LLPH: variants seen among roughly 807,000 people sequenced by gnomAD.
LLPH encodes LLP homolog, long-term synaptic facilitation factor, also known as protein LLP homolog.
A neutral mutation model predicts 13.3 loss-of-function variants in LLPH; 5 were observed. The ratio of observed to expected loss-of-function variants is 0.38; its 90% confidence interval spans 0.20 to 0.79. The LOEUF is 0.79. Ranked by LOEUF, LLPH falls within the 30% of genes least tolerant of loss-of-function variation. The pLI is 0.45. For synonymous variants in LLPH, 32 were observed against 44.2 expected (o/e 0.72, Z 1.09); for missense variants, 129 against 152.1 (o/e 0.85, Z 0.80).
At chr12:66,128,872 A>T in intron 2 of LLPH, 24 bp downstream of exon 2, 1 of 1,527,734 alleles carries the variant, frequency 6.5e-7, no homozygotes, top group Non-Finnish European at 8.9e-7. Context: ...AAAAAAGAGA[A>T]AGAAAAAGGA....
At chr12:66,125,944 C>G (rs1042918946) in intron 2 of LLPH, among the ~76,000 whole-genome samples, 31 of 151,982 alleles carry the variant, frequency 2.0e-4, no homozygotes, top group African/African-American at 7.5e-4. Flanking sequence ...TAATTAATAC[C>G]CTTAGGAGAA....
intron 1 of LLPH, among the ~76,000 whole-genome samples, chr12:66,129,676 C>G (rs1209672733): frequency 6.6e-6 from 1 of 152,170 alleles, no homozygotes; most frequent in East Asian, 1.9e-4. Context: ...TGAGCCACCG[C>G]GCCCGGCTGA....
rs142232245 is a variant in LLPH, at chr12:66,119,840, C to A, written c.*4000G>T. The A allele has an allele frequency of 6.6e-6, 1 of 152,326 alleles. No homozygotes were observed. Among genetic ancestry groups the A allele is most frequent in the East Asian group, 1.9e-4 (1 of 5,190 alleles). The allele number at this position is 152,326 out of a possible 1,614,324, so 9.4% of individuals were successfully genotyped here. A position where few individuals can be genotyped will look rare whatever the true frequency, so the allele number is the denominator to read the frequency against. On this transcript the variant is annotated 3_prime_UTR_variant, in exon 3 of 3. Transcript: ENST00000266604. ...ATTCAAGTCATTTATAGCTATTTTT[C>A]TTCTCCAACTCTTAAGCCATATTCC... is the stretch of plus-strand genomic sequence containing the variant.
rs1034201910 is a variant in LLPH at position 66,117,572 on chromosome 12, C to T, written c.*6268G>A. 12 of 152,176 alleles carry T rather than the reference C, an allele frequency of 7.9e-5. No individual in the cohort carries two copies. The highest frequency in any genetic ancestry group is 1.5e-4 in the Non-Finnish European group (10 of 68,028). The allele number at this position is 152,176 out of a possible 1,614,324, so 9.4% of individuals were successfully genotyped here. A position where few individuals can be genotyped will look rare whatever the true frequency, so the allele number is the denominator to read the frequency against. On this transcript the variant is annotated 3_prime_UTR_variant, in exon 3 of 3. Transcript: ENST00000266604. Reference sequence around the variant, plus strand: ...TCATAATACTTGATAATAATGACTACGGTTTATGGCTTTACTATACTTTTT... The same window carrying T: ...TCATAATACTTGATAATAATGACTATGGTTTATGGCTTTACTATACTTTTT...
intron 2 of LLPH, among the ~76,000 whole-genome samples, 153 bp from the exon 3 acceptor site, chr12:66,124,171 T>C (rs1287303109): frequency 1.3e-5 from 2 of 152,254 alleles, no homozygotes; most frequent in Non-Finnish European, 2.9e-5. Context: ...TTGGCATGAC[T>C]GTCCTTCCTT....
Position 66,117,050 on chromosome 12 carries a change from A to T in LLPH, c.*6790T>A, listed in dbSNP as rs953298004. 3.3e-5 allele frequency: 5 copies of T among 152,262 alleles called. No homozygotes were observed. The highest frequency in any genetic ancestry group is 1.2e-4 in the African/African-American group (5 of 41,474). The allele number at this position is 152,262 out of a possible 1,614,324, so 9.4% of individuals were successfully genotyped here. A position where few individuals can be genotyped will look rare whatever the true frequency, so the allele number is the denominator to read the frequency against. ...CTATGTAGAGCAAAACAAGCATGAT[A>T]CATTTCAAACATGACAATTTATTAC... On this transcript the variant is annotated 3_prime_UTR_variant, in exon 3 of 3. Transcript: ENST00000266604.
rs953321636 is a variant in LLPH at position 66,116,711 on chromosome 12, A to G, written c.*7129T>C. Reference sequence around the variant, plus strand: ...TGTGAGAGTAAGAAAGTGTTTCATAAGATAGCATAATGCCAAGACAATTCA... The same window carrying G: ...TGTGAGAGTAAGAAAGTGTTTCATAGGATAGCATAATGCCAAGACAATTCA... On this transcript the variant is annotated 3_prime_UTR_variant, in exon 3 of 3. Coordinates refer to ENST00000266604, the MANE Select transcript of LLPH (RefSeq NM_032338.4). 2 of 152,264 alleles carry G rather than the reference A, an allele frequency of 1.3e-5. No homozygotes were observed. The highest frequency in any genetic ancestry group is 4.8e-5 in the African/African-American group (2 of 41,474). The allele number at this position is 152,264 out of a possible 1,614,324, so 9.4% of individuals were successfully genotyped here.
chr12:66,128,970 T>C lies in LLPH; in HGVS notation c.137A>G (p.Glu46Gly). The C allele has an allele frequency of 1.2e-6, 2 of 1,613,448 alleles. No homozygotes were observed. Among genetic ancestry groups the C allele is most frequent in the South Asian group, 1.1e-5 (1 of 91,046 alleles). The change falls in exon 2 of 3, where the codon GAG becomes GGG. Residue 46 changes from glutamate to glycine, a missense_variant. By Grantham distance (98) the Glu-to-Gly change is moderately conservative (BLOSUM62 -2). Coordinates refer to ENST00000266604, the MANE Select transcript of LLPH (RefSeq NM_032338.4). ...DGDVLMKDVQ[E>G]IATVVVPKPK... Reference sequence around the variant, plus strand: ...TTTGGGTACCACCACAGTTGCTATCTCTTGAACATCTTTCATTAAAACATC... The same window carrying C: ...TTTGGGTACCACCACAGTTGCTATCCCTTGAACATCTTTCATTAAAACATC...
Position 66,121,958 on chromosome 12 carries a change from T to A in LLPH, c.*1882A>T, listed in dbSNP as rs1382325667. 6.6e-6 allele frequency: 1 copy of A among 151,934 alleles called. No homozygotes were observed. Among genetic ancestry groups the A allele is most frequent in the Non-Finnish European group, 1.5e-5 (1 of 67,996 alleles). The allele number at this position is 151,934 out of a possible 1,614,324, so 9.4% of individuals were successfully genotyped here. ...TGATATTGTCAGTGGCTTAACTGGT[T>A]GTTTGCAATTTTTTTTATTTTATGA... On this transcript the variant is annotated 3_prime_UTR_variant, in exon 3 of 3. Coordinates refer to ENST00000266604, the MANE Select transcript of LLPH (RefSeq NM_032338.4).
chr12:66,128,534 A>G (rs1374883866), intron 2 of LLPH, among the ~76,000 whole-genome samples: 1 of 152,108 alleles, frequency 6.6e-6, no homozygotes, highest in Non-Finnish European at 1.5e-5. Context: ...TACCCTTCCA[A>G]CCAGAGTATG....
intron 2 of LLPH, 67 bp from the exon 3 acceptor site, chr12:66,124,085 A>G: frequency 9.6e-7 from 1 of 1,039,616 alleles, no homozygotes; most frequent in Non-Finnish European, 1.4e-6. Flanking sequence ...AAAGCATATT[A>G]ATGCACTGAG....
rs2051467031 is a variant in LLPH at position 66,122,061 on chromosome 12, G to A, written c.*1779C>T. 6.6e-6 allele frequency: 1 copy of A among 152,024 alleles called. No homozygotes were observed. Among genetic ancestry groups the A allele is most frequent in the Admixed American group, 6.6e-5 (1 of 15,262 alleles). The allele number at this position is 152,024 out of a possible 1,614,324, so 9.4% of individuals were successfully genotyped here. The stretch of plus-strand genomic sequence containing the variant: ...CTACACCAAAGGCAACAAAGATCAT[G>A]AATGACATCTTTCAATTCATATCTT... On this transcript the variant is annotated 3_prime_UTR_variant, in exon 3 of 3. Transcript: ENST00000266604.
chr12:66,122,254 T>A lies in LLPH; in HGVS notation c.*1586A>T, dbSNP rs1417710508. The A allele has an allele frequency of 6.6e-6, 1 of 152,250 alleles. No individual in the cohort carries two copies. Among genetic ancestry groups the A allele is most frequent in the Non-Finnish European group, 1.5e-5 (1 of 68,046 alleles). 9.4% of individuals were successfully genotyped at this position (152,250 alleles called of 1,614,324 possible). A position where few individuals can be genotyped will look rare whatever the true frequency, so the allele number is the denominator to read the frequency against. On this transcript the variant is annotated 3_prime_UTR_variant, in exon 3 of 3. Coordinates refer to ENST00000266604, the MANE Select transcript of LLPH (RefSeq NM_032338.4). ...AAACATTTGGGTCATGTCCTCTTTA[T>A]TACAATACATGTCCATGTATTGTGC... is the stretch of plus-strand genomic sequence containing the variant.
In LLPH at chr12:66,129,079, T is replaced by C; in HGVS notation, c.28A>G (p.Lys10Glu). Residue 10 changes from lysine to glutamate, a missense_variant, in exon 2 of 3, where the codon AAA (lysine) becomes GAA (glutamate). Lys to Glu is a moderately conservative substitution (Grantham distance 56). Coordinates refer to ENST00000266604, the MANE Select transcript of LLPH (RefSeq NM_032338.4). MAKSLRSKW[K>E]RKMRAEKRKK... ...CTCTTTTCAGCACGCATCTTTCTTT[T>C]CCACTTACTCCGTAAGCTTTTAGCC... The C allele has an allele frequency of 6.2e-7, 1 of 1,611,820 alleles. No individual in the cohort carries two copies. Among genetic ancestry groups the C allele is most frequent in the Non-Finnish European group, 8.5e-7 (1 of 1,178,942 alleles).
intron 2 of LLPH, among the ~76,000 whole-genome samples, chr12:66,126,027 T>C (rs182404908): frequency 1.1e-3 from 173 of 151,984 alleles, no homozygotes; most frequent in African/African-American, 3.6e-3. Context: ...CACAAAGCTA[T>C]GAAAAAGGAA....
At chr12:66,127,930 T>A (rs899214012) in intron 2 of LLPH, among the ~76,000 whole-genome samples, 1 of 152,138 alleles carries the variant, frequency 6.6e-6, no homozygotes, top group Non-Finnish European at 1.5e-5. Context: ...CTGAGAATGT[T>A]AACGGTGGAG....
rs1285525077 is a variant in LLPH, at chr12:66,121,758, C to T, written c.*2082G>A. On this transcript the variant is annotated 3_prime_UTR_variant, in exon 3 of 3. Coordinates refer to ENST00000266604, the MANE Select transcript of LLPH (RefSeq NM_032338.4). ...AATTAGCTGGGCGTGGTGGCACCCA[C>T]CTGTAGTCCCAGCTACTGGGGAGGC... 2.0e-5 allele frequency: 3 copies of T among 151,784 alleles called. No homozygotes were observed. The highest frequency in any genetic ancestry group is 7.3e-5 in the African/African-American group (3 of 41,300). The allele number at this position is 151,784 out of a possible 1,614,324, so 9.4% of individuals were successfully genotyped here.
At chr12:66,125,092 C>T (rs998158357) in intron 2 of LLPH, among the ~76,000 whole-genome samples, 3 of 151,976 alleles carry the variant, frequency 2.0e-5, no homozygotes, top group Non-Finnish European at 4.4e-5. Flanking sequence ...AACTGGTAGG[C>T]GCTGGTAAGA....
chr12:66,125,036 C>G (rs2051487611), intron 2 of LLPH, among the ~76,000 whole-genome samples: 1 of 152,118 alleles, frequency 6.6e-6, no homozygotes, highest in Admixed American at 6.5e-5. Flanking sequence ...CCACTATACT[C>G]CAGCCTGGGC....
Sources: gnomAD v4.1 joint callset for allele counts (sites outside exome capture counted in the v4.1 genomes callset) on GRCh38, gnomAD v4.1.1 for gene constraint, MANE v1.5 for transcripts, NCBI Gene and HGNC (gene_info 2026-07-23, HGNC 2026-07-21) for gene names.